STRA8: variants seen among roughly 807,000 people sequenced by gnomAD.
STRA8 encodes the protein stimulated by retinoic acid gene 8 protein homolog.
A neutral mutation model predicts 37.1 loss-of-function variants in STRA8; 18 were observed. The ratio of observed to expected loss-of-function variants is 0.48; its 90% CI spans 0.34 to 0.72. The LOEUF (loss-of-function observed/expected upper bound fraction) is 0.72, where lower values mean the gene tolerates loss of function less well. STRA8 is among the 30% of genes least tolerant of loss of function. The pLI is 0.01. For synonymous variants in STRA8, 168 were observed against 162.9 expected (o/e 1.03, Z -0.24); for missense variants, 357 against 410.4 (o/e 0.87, Z 1.13).
chr7:135,234,097 G>GATT lies in STRA8; in HGVS notation c.-7+196_-7+197insTAT, dbSNP rs1360906482. Among the ~76,000 whole-genome samples the GATT allele has an allele frequency of 4.7e-3, 684 of 146,744 alleles. 6 individuals carry two copies. Among genetic ancestry groups the GATT allele is most frequent in the African/African-American group, 0.016 (619 of 39,928 alleles). On this transcript the variant is annotated intron_variant, in intron 1 of 8. Transcript: ENST00000662584. ...GATTCTGGATGATGATGATGATGAT[G>GATT]ATGATGATTATTATTATTATCATTT...
rs917850434 is a variant in STRA8 at position 135,258,488 on chromosome 7, T to C, written c.1136T>C (p.Leu379Ser). 9.4e-6 allele frequency: 15 copies of C among 1,597,316 alleles called. No homozygotes were observed. The highest frequency in any genetic ancestry group is 1.3e-5 in the African/African-American group (1 of 74,754). The change falls in exon 9 of 9, where the codon TTG (leucine) becomes TCG (serine). Residue 379 changes from leucine (L) to serine (S), a missense_variant. Physicochemically the swap from Leu to Ser is moderately radical, Grantham distance 145. Transcript: ENST00000662584. ...QCTETFDDED[L>S] is the part of the protein sequence containing the mutation. ...ACAGAGACCTTTGACGATGAAGATTTGTAATGCAGAAGAGGAGCTGCGAGG... is the reference window on the plus strand; with the variant it reads ...ACAGAGACCTTTGACGATGAAGATTCGTAATGCAGAAGAGGAGCTGCGAGG...
At position 135,238,255 on chromosome 7, in the gene STRA8, G is replaced by A. The variant is rs1436166827; in HGVS notation, c.-6-2264G>A. ...CCTGACCAGGGGGCGCCTGGGGGCA[G>A]GCAAGATGGAGGCCACGGCTCCAGG... On this transcript the variant is annotated intron_variant, in intron 1 of 8. Transcript: ENST00000662584. 2.0e-5 allele frequency among the ~76,000 whole-genome samples: 3 copies of A among 152,332 alleles called. No individual in the cohort carries two copies. The East Asian group carries it at 5.8e-4, about 29-fold the overall frequency.
intron 1 of STRA8, among the ~76,000 whole-genome samples, chr7:135,235,877 G>T (rs1832368508): frequency 6.6e-6 from 1 of 152,174 alleles, no homozygotes. Context: ...GGGAGGCCAA[G>T]ATAGGAGGAT....
At chr7:135,234,345 G>C (rs560904112) in intron 1 of STRA8, among the ~76,000 whole-genome samples, 68 of 152,276 alleles carry the variant, frequency 4.5e-4, no homozygotes, top group Non-Finnish European at 6.8e-4. Context: ...CTGACCTCAG[G>C]TGATCCGTCC....
Position 135,255,183 on chromosome 7 carries a change from C to A in STRA8, c.1023C>A (p.Asn341Lys), listed in dbSNP as rs767765649. Residue 341 changes from asparagine (N) to lysine (K), a missense_variant, in exon 8 of 9, where the codon AAC (asparagine) becomes AAA (lysine). Coordinates refer to ENST00000662584, the MANE Select transcript of STRA8 (RefSeq NM_001394401.1). The part of the protein sequence containing the change: ...EKFQLYMQII[N>K]FFKGLSCANT... ...TTCAGCTCTATATGCAGATCATCAA[C>A]TTTTTTAAAGGCCTTAGCTGTGCAA... The A allele has an allele frequency of 6.2e-7, 1 of 1,613,986 alleles. No homozygotes were observed. Among genetic ancestry groups the A allele is most frequent in the Admixed American group, 1.7e-5 (1 of 60,014 alleles).
chr7:135,256,444 C>A (rs1585482591), intron 8 of STRA8, among the ~76,000 whole-genome samples: 1 of 152,204 alleles, frequency 6.6e-6, no homozygotes, highest in African/African-American at 2.4e-5. Context: ...AAAGGACAAT[C>A]TTTGCCTCCC....
intron 3 of STRA8, 97 bp from the exon 4 acceptor site, chr7:135,243,229 G>C: frequency 7.8e-7 from 1 of 1,286,298 alleles, no homozygotes; most frequent in South Asian, 1.3e-5. Context: ...GAGGGTTCAG[G>C]GTCCCACCCA....
At chr7:135,257,758 C>T (rs1832721606) in intron 8 of STRA8, among the ~76,000 whole-genome samples, 1 of 152,184 alleles carries the variant, frequency 6.6e-6, no homozygotes, top group Non-Finnish European at 1.5e-5. Flanking sequence ...AATATCATCT[C>T]CTAATAGGTA....
rs1585474651 is a variant in STRA8 at position 135,246,196 on chromosome 7, T to C, written c.594-221T>C. ...TTCATGGGGCAGGGACTGGGAGAAC[T>C]TGGGGAGGGGCCCCAAAGCCCAAGT... On this transcript the variant is annotated intron_variant, in intron 5 of 8. Coordinates refer to ENST00000662584, the MANE Select transcript of STRA8 (RefSeq NM_001394401.1). This position sits in a 1 kb window ranked among gnomAD's most constrained non-coding sequence, Gnocchi z 5.4. The C allele has an allele frequency of 3.3e-6, 2 of 605,580 alleles. No homozygotes were observed. The highest frequency in any genetic ancestry group is 6.0e-5 in the Admixed American group (2 of 33,312). The allele number at this position is 605,580 out of a possible 1,614,324, so 37.5% of individuals were successfully genotyped here. A position where few individuals can be genotyped will look rare whatever the true frequency, so the allele number is the denominator to read the frequency against.
chr7:135,241,494 G>A (rs1010881624), intron 2 of STRA8, among the ~76,000 whole-genome samples: 3 of 152,072 alleles, frequency 2.0e-5, no homozygotes, highest in African/African-American at 7.2e-5. Flanking sequence ...CCACACTCTG[G>A]CCACATCTCA....
At position 135,258,545 on chromosome 7, in the gene STRA8, G is replaced by A; in HGVS notation, c.*53G>A. The stretch of plus-strand genomic sequence containing the variant: ...ACTGAATGAGGTGGGCAGTTCCCAA[G>A]GTTGAATGCTGGCAGCTAAGGTTGC... On this transcript the variant is annotated 3_prime_UTR_variant, in exon 9 of 9. Coordinates refer to ENST00000662584, the MANE Select transcript of STRA8 (RefSeq NM_001394401.1). 4 of 1,487,408 alleles carry A rather than the reference G, an allele frequency of 2.7e-6. No individual in the cohort carries two copies. The highest frequency in any genetic ancestry group is 4.9e-5 in the East Asian group (2 of 41,112). 92.1% of individuals were successfully genotyped at this position (1,487,408 alleles called of 1,614,324 possible).
Position 135,252,013 on chromosome 7 carries a change from A to AGTGTGTGTGTGTGT in STRA8, c.953+164_953+177dup, listed in dbSNP as rs59621186. On this transcript the variant is annotated intron_variant, in intron 7 of 8. Coordinates refer to ENST00000662584, the MANE Select transcript of STRA8 (RefSeq NM_001394401.1). ...AGAGGAGACAGAGGGAGAGAGAGAGAGTGTGTGTGTGTGTGTGTGTGTGTG... is the reference window on the plus strand; with the variant it reads ...AGAGGAGACAGAGGGAGAGAGAGAGAGTGTGTGTGTGTGTGTGTGTGTGTGTGTGTGTGTGTGTG... 2.4e-3 allele frequency: 1,193 copies of AGTGTGTGTGTGTGT among 505,156 alleles called. 10 individuals carry two copies. The highest frequency in any genetic ancestry group is 5.6e-3 in the African/African-American group (251 of 45,052). The allele number at this position is 505,156 out of a possible 1,614,324, so 31.3% of individuals were successfully genotyped here. A position where few individuals can be genotyped will look rare whatever the true frequency, so the allele number is the denominator to read the frequency against.
chr7:135,238,661 T>G (rs1342811914), intron 1 of STRA8, among the ~76,000 whole-genome samples: 1 of 152,154 alleles, frequency 6.6e-6, no homozygotes, highest in African/African-American at 2.4e-5. Flanking sequence ...TCCCCTGGTG[T>G]CCAGACACAT....
chr7:135,240,965 TAGAC>T (rs886143077), intron 2 of STRA8, among the ~76,000 whole-genome samples: 8 of 152,142 alleles, frequency 5.3e-5, no homozygotes, highest in Non-Finnish European at 1.5e-5. Context: ...CTCTGGTTCA[TAGAC>T]AGGGCTATCT....
At chr7:135,249,986 A>G (rs1832615343) in intron 6 of STRA8, among the ~76,000 whole-genome samples, 1 of 152,204 alleles carries the variant, frequency 6.6e-6, no homozygotes, top group Non-Finnish European at 1.5e-5. Context: ...GGGCTGGGCG[A>G]TAAGGTAGGC....
At chr7:135,254,475 A>C (rs1452473353) in intron 7 of STRA8, among the ~76,000 whole-genome samples, 1 of 152,164 alleles carries the variant, frequency 6.6e-6, no homozygotes, top group African/African-American at 2.4e-5. Flanking sequence ...GGGCATTCCT[A>C]AATGTTGCAC....
At chr7:135,242,733 C>A (rs931534397) in intron 2 of STRA8, 48 bp from the exon 3 acceptor site, 3 of 1,594,504 alleles carry the variant, frequency 1.9e-6, no homozygotes, top group Non-Finnish European at 2.6e-6. Context: ...CAAAATCAGT[C>A]TCTGCAGTGA....
chr7:135,251,940 G>GC, intron 7 of STRA8, 71 bp downstream of exon 7: 1 of 1,437,352 alleles, frequency 7.0e-7, no homozygotes, highest in Non-Finnish European at 9.8e-7. Context: ...GCGCAGGTGT[G>GC]TATGTGTGAG....
intron 4 of STRA8, 100 bp downstream of exon 4, chr7:135,243,510 AC>A: frequency 9.6e-7 from 1 of 1,041,770 alleles, no homozygotes; most frequent in Non-Finnish European, 1.4e-6. Flanking sequence ...AGCCTGCAGG[AC>A]CATCAGGGCT....
Sources: allele counts gnomAD v4.1 joint callset (sites outside exome capture counted in the v4.1 genomes callset), GRCh38; gene constraint gnomAD v4.1.1; non-coding constraint Gnocchi (gnomAD v3.1); transcripts MANE v1.5; gene names NCBI Gene and HGNC (gene_info 2026-07-23, HGNC 2026-07-21).